Variants in UPRT observed in about 807,000 individuals in gnomAD.
UPRT encodes the protein RP11-311P8.3.
A neutral mutation model predicts 22.6 loss-of-function variants in UPRT; 5 were observed. The observed-to-expected ratio is 0.22, with a 90% CI of 0.12 to 0.47. The LOEUF (loss-of-function observed/expected upper bound fraction) is 0.47. Ranked by LOEUF, UPRT falls within the 20% of genes least tolerant of loss-of-function variation. UPRT has a pLI of 0.99. For missense variants in UPRT, 181 were observed against 239.9 expected, an observed-to-expected ratio of 0.75 and a Z score of 1.62; for synonymous variants, 77 against 87.7, an observed-to-expected ratio of 0.88 and a Z score of 0.68.
intron 4 of UPRT, among the ~76,000 whole-genome samples, chrX:75,171,890 G>T (rs1020779149): frequency 9.0e-6 from 1 of 111,698 alleles, no homozygotes; most frequent in Non-Finnish European, 1.9e-5. Flanking sequence ...CCAGGCTCCA[G>T]GTTGGTACTG....
chrX:75,231,068 C>G (rs1374035984), intron 4 of UPRT, among the ~76,000 whole-genome samples: 2 of 111,502 alleles, frequency 1.8e-5, no homozygotes, highest in Non-Finnish European at 3.8e-5. Flanking sequence ...AAAGATCACA[C>G]TAGCTCTCCA....
chrX:75,282,661 T>G (rs958111520), intron 1 of UPRT, among the ~76,000 whole-genome samples: 1 of 112,162 alleles, frequency 8.9e-6, no homozygotes, highest in Non-Finnish European at 1.9e-5. Context: ...TCAGTTTTCT[T>G]AAATTTATTC....
intron 4 of UPRT, among the ~76,000 whole-genome samples, chrX:75,250,982 G>T (rs1569274448): frequency 8.9e-6 from 1 of 111,817 alleles, no homozygotes; most frequent in Non-Finnish European, 1.9e-5. Context: ...CTCAATAGAT[G>T]CAGAAAAGGC....
In UPRT at chrX:75,279,221, G is replaced by A. The variant is rs146363710; in HGVS notation, c.386+4581G>A. 5.4e-5 allele frequency among the ~76,000 whole-genome samples: 6 copies of A among 111,585 alleles called. No homozygotes were observed. In the East Asian group the frequency reaches 1.7e-3, roughly 31 times the overall value. On this transcript the variant is annotated intron_variant, in intron 1 of 6. Coordinates refer to ENST00000373383, the MANE Select transcript of UPRT (RefSeq NM_145052.4). ...ACACTAAACAGAACTAGGCTAGAGA[G>A]CCTGACCTAGCATTACATCAACACT... is the stretch of plus-strand genomic sequence containing the variant.
upstream of UPRT, among the ~76,000 whole-genome samples, chrX:75,269,789 A>G (rs1321122519): frequency 8.9e-6 from 1 of 111,980 alleles, no homozygotes; most frequent in African/African-American, 3.2e-5. Flanking sequence ...CAAGACCTAA[A>G]ATCATAAAAA....
chrX:75,170,035 C>CTTTT (rs34570333), intron 4 of UPRT, among the ~76,000 whole-genome samples: 1 of 53,416 alleles, frequency 1.9e-5, no homozygotes, highest in African/African-American at 5.6e-5. Flanking sequence ...CGCTCTGTGT[C>CTTTT]TTTTTTTTTT....
chrX:75,223,051 TTGA>T (rs2082414651), intron 4 of UPRT, among the ~76,000 whole-genome samples: 1 of 109,899 alleles, frequency 9.1e-6, no homozygotes, highest in Admixed American at 9.8e-5. Context: ...TAGTCAACAG[TTGA>T]TGAATCTTTT....
chrX:75,267,134 C>T (rs369730060), intron 4 of UPRT, among the ~76,000 whole-genome samples: 8 of 111,760 alleles, frequency 7.2e-5, no homozygotes, highest in South Asian at 3.7e-4. Flanking sequence ...AAGACACATG[C>T]GCATGTATGT....
chrX:75,238,025 C>T (rs1049322046), intron 4 of UPRT, among the ~76,000 whole-genome samples: 28 of 111,072 alleles, frequency 2.5e-4, no homozygotes, highest in African/African-American at 8.8e-4. Flanking sequence ...ATAGAAACTC[C>T]TTAAAGAATA....
chrX:75,170,913 A>C (rs2082225688), intron 4 of UPRT, among the ~76,000 whole-genome samples: 1 of 111,445 alleles, frequency 9.0e-6, no homozygotes, highest in African/African-American at 3.3e-5. Flanking sequence ...AATCCCTTCT[A>C]ACTTGTAGGG....
chrX:75,156,914 CACACACACACACAG>C (rs1370649082), intron 1 of UPRT, among the ~76,000 whole-genome samples: 1 of 108,782 alleles, frequency 9.2e-6, no homozygotes, highest in Non-Finnish European at 1.9e-5. Context: ...CACACACACA[CACACACACACACAG>C]AGAGACTACA....
chrX:75,172,651 T>C (rs1200024834), intron 4 of UPRT, among the ~76,000 whole-genome samples: 2 of 111,176 alleles, frequency 1.8e-5, no homozygotes, highest in South Asian at 4.0e-4. Flanking sequence ...TCCTTTTTGA[T>C]GTTTAGATGT....
Position 75,274,191 on chromosome X carries a change from T to C in UPRT, c.-64T>C, listed in dbSNP as rs1396038274. On this transcript the variant is annotated 5_prime_UTR_variant, in exon 1 of 7. Transcript: ENST00000373383. The stretch of plus-strand genomic sequence containing the variant: ...CGAGAGAGCACGTGAGCATCTGTCC[T>C]TTCTACCCGTTCCTCTTTATCTTTA... 8.7e-7 allele frequency: 1 copy of C among 1,150,207 alleles called. No individual in the cohort carries two copies. The highest frequency in any genetic ancestry group is 1.8e-5 in the African/African-American group (1 of 55,289). 94.8% of individuals were successfully genotyped at this position (1,150,207 alleles called of 1,213,427 possible). A position where few individuals can be genotyped will look rare whatever the true frequency, so the allele number is the denominator to read the frequency against.
chrX:75,191,222 T>C (rs776500887), intron 4 of UPRT, among the ~76,000 whole-genome samples: 7 of 112,600 alleles, frequency 6.2e-5, no homozygotes, highest in African/African-American at 2.3e-4. Context: ...TGCAGGTCTG[T>C]TGGAGTTTGC....
chrX:75,193,640 G>T (rs753872716), intron 4 of UPRT, among the ~76,000 whole-genome samples: 1 of 111,328 alleles, frequency 9.0e-6, no homozygotes, highest in East Asian at 2.8e-4. Context: ...TGGAGGTTTT[G>T]TTCATTCTTT....
intron 4 of UPRT, among the ~76,000 whole-genome samples, chrX:75,268,182 G>T (rs1272662221): frequency 9.0e-6 from 1 of 110,993 alleles, no homozygotes; most frequent in Non-Finnish European, 1.9e-5. Context: ...TTCCTGGACA[G>T]ATACACCTTC....
chrX:75,169,449 T>A (rs1298989716), intron 4 of UPRT, among the ~76,000 whole-genome samples: 2 of 112,009 alleles, frequency 1.8e-5, no homozygotes, highest in Non-Finnish European at 3.8e-5. Context: ...TTTGGTTTTT[T>A]AATTATGGCC....
intron 4 of UPRT, among the ~76,000 whole-genome samples, chrX:75,242,535 C>A (rs1202801740): frequency 9.1e-6 from 1 of 110,489 alleles, no homozygotes; most frequent in African/African-American, 3.3e-5. Flanking sequence ...GACCTGGGTT[C>A]TAGAAAGCCA....
chrX:75,236,128 A>G (rs1484776547), intron 4 of UPRT, among the ~76,000 whole-genome samples: 3 of 111,700 alleles, frequency 2.7e-5, no homozygotes, highest in Non-Finnish European at 5.6e-5. Flanking sequence ...ATGTACAAAA[A>G]TCACAAGCAT....
Sources: allele counts gnomAD v4.1 joint callset (sites outside exome capture counted in the v4.1 genomes callset), GRCh38; gene constraint gnomAD v4.1.1; transcripts MANE v1.5; gene names NCBI Gene and HGNC (gene_info 2026-07-23, HGNC 2026-07-21).